The following SASH1 variants were observed in gnomAD, a reference collection of about 807,000 sequenced individuals.
SASH1 encodes the protein SAM and SH3 domain containing 1.
Under a neutral mutation model 125.2 loss-of-function variants are expected in SASH1, and 44 were observed. The ratio of observed to expected loss-of-function variants is 0.35; its 90% CI spans 0.28 to 0.45. SASH1 has a LOEUF of 0.45. Among genes scored for constraint, SASH1 ranks in the 20% least tolerant of loss-of-function variants. The pLI, the probability that SASH1 is intolerant of heterozygous loss-of-function variation, is 1.00. For synonymous variants in SASH1, 639 were observed against 649.1 expected (o/e 0.98, Z 0.24); for missense variants, 1,426 against 1,614.5 (o/e 0.88, Z 2.00).
At chr6:148,348,648 C>T (rs1223996588) in intron 1 of SASH1, among the ~76,000 whole-genome samples, 1 of 152,134 alleles carries the variant, frequency 6.6e-6, no homozygotes, top group Non-Finnish European at 1.5e-5. Context: ...CGTCTGTGTC[C>T]TAAGTCATGC....
In SASH1 at chr6:148,301,408, G is replaced by A. The variant is rs919230962; in HGVS notation, n.74+29031G>A. 4.3e-4 allele frequency among the ~76,000 whole-genome samples: 65 copies of A among 150,976 alleles called. 2 individuals carry two copies. Among genetic ancestry groups the A allele is most frequent in the South Asian group, 6.3e-4 (3 of 4,734 alleles). On this transcript the variant is annotated intron_variant and non_coding_transcript_variant, in intron 1 of 3. Coordinates refer to the SASH1 transcript ENST00000367469. Reference sequence around the variant, plus strand: ...TGCTTCCCGAGTAGCTGGGATTACAGATGCCCACCACCATGCCCGGCTAAT... The same window carrying A: ...TGCTTCCCGAGTAGCTGGGATTACAAATGCCCACCACCATGCCCGGCTAAT...
In SASH1 at chr6:148,387,852, CTTCAGCCTCCTGA is replaced by C. The variant is rs1783535754; in HGVS notation, c.157-2281_157-2269del. The stretch of plus-strand genomic sequence containing the variant: ...CTCCCAGGCTCAGGTGATTCTCCTG[CTTCAGCCTCCTGA>C]GTAGCTGGGATTACAGGTGCCCACT... On this transcript the variant is annotated intron_variant, in intron 1 of 19. Coordinates refer to ENST00000367467, the MANE Select transcript of SASH1 (RefSeq NM_015278.5). Among the ~76,000 whole-genome samples, 5 of 150,076 alleles carry C rather than the reference CTTCAGCCTCCTGA, an allele frequency of 3.3e-5. No individual in the cohort carries two copies. The South Asian group carries it at 1.1e-3, about 32-fold the overall frequency.
At chr6:148,436,889 G>A (rs749292152) in intron 2 of SASH1, among the ~76,000 whole-genome samples, 15 of 152,262 alleles carry the variant, frequency 9.9e-5, no homozygotes, top group East Asian at 3.9e-4. Context: ...TGAAACAGTC[G>A]GTGTATGTTA....
intron 1 of SASH1, among the ~76,000 whole-genome samples, chr6:148,350,853 A>G (rs559212903): frequency 6.6e-6 from 1 of 152,358 alleles, no homozygotes; most frequent in Admixed American, 6.5e-5. Context: ...TTTTGAGTAC[A>G]TAAATTGTCA....
At chr6:148,429,226 A>G (rs1775953598) in intron 2 of SASH1, among the ~76,000 whole-genome samples, 1 of 152,040 alleles carries the variant, frequency 6.6e-6, no homozygotes, top group Admixed American at 6.6e-5. Flanking sequence ...GCAAACACAA[A>G]TTAAAGGAAG....
At chr6:148,237,959 T>C in the SASH1 span, among the ~76,000 whole-genome samples, 1 of 152,136 alleles carries the variant, frequency 6.6e-6, no homozygotes, top group Non-Finnish European at 1.5e-5. Context: ...GGACACCACC[T>C]ACATAGGGTA....
At position 148,274,699 on chromosome 6, in the gene SASH1, T is replaced by C. The variant is rs551357999; in HGVS notation, n.74+2322T>C. On this transcript the variant is annotated intron_variant and non_coding_transcript_variant, in intron 1 of 3. Transcript: ENST00000367469. ...GACAAGCTTCCTTTGTGGGAGATGA[T>C]TGTGTATATGTCTTATTTTAACTAA... Among the ~76,000 whole-genome samples, 4 of 152,296 alleles carry C rather than the reference T, an allele frequency of 2.6e-5. No homozygotes were observed. In the South Asian group the frequency reaches 8.3e-4, roughly 32 times the overall value.
At chr6:148,439,346 A>G (rs915433545) in intron 2 of SASH1, among the ~76,000 whole-genome samples, 2 of 152,186 alleles carry the variant, frequency 1.3e-5, no homozygotes, top group African/African-American at 4.8e-5. Context: ...AAATTTCCAG[A>G]TAGGTCAGTT....
intron 8 of SASH1, among the ~76,000 whole-genome samples, chr6:148,496,881 GA>G (rs545900493): frequency 4.1e-4 from 56 of 138,014 alleles, no homozygotes; most frequent in South Asian, 9.4e-4. Context: ...TCAAAAAAAA[GA>G]AAAAAAAAAA....
Position 148,550,187 on chromosome 6 carries a change from C to T in SASH1, c.*1629C>T, listed in dbSNP as rs1782810190. ...TTAAACAAGTAAACTATTATGGTTT[C>T]CATTGCTTACAAAATGATTTTCCTT... On this transcript the variant is annotated 3_prime_UTR_variant, in exon 20 of 20. Coordinates refer to ENST00000367467, the MANE Select transcript of SASH1 (RefSeq NM_015278.5). 1 of 152,184 alleles carries T rather than the reference C, an allele frequency of 6.6e-6. No homozygotes were observed. The highest frequency in any genetic ancestry group is 1.5e-5 in the Non-Finnish European group (1 of 68,036). 9.4% of individuals were successfully genotyped at this position (152,184 alleles called of 1,614,324 possible). A position where few individuals can be genotyped will look rare whatever the true frequency, so the allele number is the denominator to read the frequency against.
At chr6:148,430,195 C>T (rs931278831) in intron 2 of SASH1, among the ~76,000 whole-genome samples, 1 of 152,206 alleles carries the variant, frequency 6.6e-6, no homozygotes, top group African/African-American at 2.4e-5. Context: ...ACACCAGGCT[C>T]AGTCTGCACT....
At chr6:148,405,170 G>A (rs1784327259) in intron 2 of SASH1, among the ~76,000 whole-genome samples, 1 of 151,876 alleles carries the variant, frequency 6.6e-6, no homozygotes, top group African/African-American at 2.4e-5. Flanking sequence ...GGGTGATTCT[G>A]TGCCTTTCTT....
chr6:148,262,486 C>T, the SASH1 span, among the ~76,000 whole-genome samples: 1 of 152,098 alleles, frequency 6.6e-6, no homozygotes, highest in Non-Finnish European at 1.5e-5. Flanking sequence ...CAGTGTCAAG[C>T]CAGGCCACTA....
intron 4 of SASH1, among the ~76,000 whole-genome samples, chr6:148,450,658 TG>T (rs1352179331): frequency 1.3e-5 from 2 of 151,686 alleles, no homozygotes; most frequent in East Asian, 3.9e-4. Flanking sequence ...GTCTATGTAC[TG>T]GGTACTGTGT....
the SASH1 span, among the ~76,000 whole-genome samples, chr6:148,209,442 G>T: frequency 3.9e-5 from 6 of 152,338 alleles, no homozygotes; most frequent in South Asian, 2.1e-4. Flanking sequence ...AATGAACAGA[G>T]AAGAGAAATT....
chr6:148,349,451 A>ATGGGTTT (rs1169623054), intron 1 of SASH1, among the ~76,000 whole-genome samples: 2 of 151,584 alleles, frequency 1.3e-5, no homozygotes, highest in African/African-American at 2.4e-5. Context: ...TTTAGTAGAA[A>ATGGGTTT]TGGGTTTTCA....
chr6:148,455,144 T>C (rs1484998273), intron 4 of SASH1, among the ~76,000 whole-genome samples: 2 of 152,194 alleles, frequency 1.3e-5, no homozygotes, highest in Admixed American at 6.5e-5. Context: ...GTTGCAAGCA[T>C]ATCTGCACAT....
Position 148,548,924 on chromosome 6 carries a change from C to T in SASH1, c.*366C>T, listed in dbSNP as rs1224575470. ...GCAGCCTGTTCCATTTCTGATAGTGCCCTTGCTCTTCTGTCTGTCATCTTG... is the reference window on the plus strand; with the variant it reads ...GCAGCCTGTTCCATTTCTGATAGTGTCCTTGCTCTTCTGTCTGTCATCTTG... On this transcript the variant is annotated 3_prime_UTR_variant, in exon 20 of 20. Coordinates refer to ENST00000367467, the MANE Select transcript of SASH1 (RefSeq NM_015278.5). The T allele has an allele frequency of 5.2e-6, 1 of 190,558 alleles. No individual in the cohort carries two copies. Among genetic ancestry groups the T allele is most frequent in the East Asian group, 1.4e-4 (1 of 7,228 alleles). 11.8% of individuals were successfully genotyped at this position (190,558 alleles called of 1,614,324 possible).
chr6:148,406,833 G>A lies in SASH1; in HGVS notation c.285+16571G>A, dbSNP rs892877174. Among the ~76,000 whole-genome samples the A allele has an allele frequency of 7.4e-5, 11 of 148,860 alleles. No homozygotes were observed. The East Asian group carries it at 1.4e-3, about 19-fold the overall frequency. On this transcript the variant is annotated intron_variant, in intron 2 of 19. Transcript: ENST00000367467. ...AAGGGAGGAACAGAGAGGATCAGGC[G>A]CTCCAAGGGAGGAGCAGAGAGAATC...
Sources: gnomAD v4.1 joint callset for allele counts (sites outside exome capture counted in the v4.1 genomes callset) on GRCh38, gnomAD v4.1.1 for gene constraint, MANE v1.5 for transcripts, NCBI Gene and HGNC (gene_info 2026-07-23, HGNC 2026-07-21) for gene names.